The following EVI5 variants were observed in gnomAD, a reference collection of about 807,000 sequenced individuals.
The protein encoded by EVI5 is ecotropic viral integration site 5 protein homolog.
EVI5 carries 73 observed loss-of-function variants against 112.0 expected under a neutral mutation model. The observed-to-expected ratio is 0.65, with a 90% CI of 0.54 to 0.79. The LOEUF is 0.79. EVI5 is among the 30% of genes least tolerant of loss of function. The pLI, the probability that EVI5 is intolerant of heterozygous loss-of-function variation, is 0.00. For synonymous variants in EVI5, 305 were observed against 319.9 expected, an observed-to-expected ratio of 0.95 and a Z score of 0.50; for missense variants, 900 against 968.8, an observed-to-expected ratio of 0.93 and a Z score of 0.94.
chr1:92,554,304 C>A (rs1667381801), intron 19 of EVI5, among the ~76,000 whole-genome samples: 1 of 152,116 alleles, frequency 6.6e-6, no homozygotes, highest in Non-Finnish European at 1.5e-5. Context: ...TAATATGTCG[C>A]CATTAAATGG....
chr1:92,606,582 T>C (rs1650443761), intron 17 of EVI5, among the ~76,000 whole-genome samples: 1 of 152,200 alleles, frequency 6.6e-6, no homozygotes, highest in Non-Finnish European at 1.5e-5. Flanking sequence ...TCAGTATACA[T>C]TGTAACAGCC....
At chr1:92,554,985 A>AAAAGAAAG (rs781663027) in intron 19 of EVI5, among the ~76,000 whole-genome samples, 1 of 152,178 alleles carries the variant, frequency 6.6e-6, no homozygotes, top group South Asian at 2.1e-4. Flanking sequence ...GTCTCCAGAA[A>AAAAGAAAG]AAAGAAAGAA....
At chr1:92,780,583 C>A (rs1684731458) in intron 1 of EVI5, among the ~76,000 whole-genome samples, 1 of 152,032 alleles carries the variant, frequency 6.6e-6, no homozygotes, top group Non-Finnish European at 1.5e-5. Context: ...AGAAACAGAC[C>A]CACACTAATT....
intron 19 of EVI5, among the ~76,000 whole-genome samples, chr1:92,531,501 T>C (rs12069790): frequency 0.029 from 4,363 of 151,938 alleles, 180 homozygotes; most frequent in African/African-American, 0.087. Context: ...TTCACCAAGG[T>C]TGAAATGAAG....
intron 13 of EVI5, among the ~76,000 whole-genome samples, chr1:92,650,402 T>C (rs1243277463): frequency 1.3e-5 from 2 of 152,206 alleles, no homozygotes; most frequent in Admixed American, 6.5e-5. Flanking sequence ...AGTACAAGTC[T>C]TTACCTTCTT....
intron 13 of EVI5, among the ~76,000 whole-genome samples, chr1:92,646,625 C>A (rs1045703313): frequency 6.6e-6 from 1 of 152,168 alleles, no homozygotes; most frequent in African/African-American, 2.4e-5. Context: ...TTGTTTTGTT[C>A]TTTTTATAAA....
chr1:92,609,943 G>A (rs1431342225), intron 16 of EVI5, among the ~76,000 whole-genome samples: 2 of 151,656 alleles, frequency 1.3e-5, no homozygotes, highest in East Asian at 1.9e-4. Context: ...AGAGTGCAGA[G>A]GCACAATCAT....
chr1:92,643,239 CTTAAT>C (rs1224408779), intron 13 of EVI5, among the ~76,000 whole-genome samples: 3 of 148,810 alleles, frequency 2.0e-5, no homozygotes, highest in Admixed American at 1.3e-4. Flanking sequence ...TACTTATTTA[CTTAAT>C]TTATTTAGTG....
chr1:92,685,595 A>C (rs1668380332), intron 9 of EVI5, among the ~76,000 whole-genome samples: 1 of 152,244 alleles, frequency 6.6e-6, no homozygotes, highest in Admixed American at 6.5e-5. Flanking sequence ...ATCCCTTCAA[A>C]AAATCAATGA....
intron 13 of EVI5, among the ~76,000 whole-genome samples, chr1:92,659,159 C>CGT (rs1663540194): frequency 2.0e-5 from 3 of 151,980 alleles, no homozygotes; most frequent in Non-Finnish European, 4.4e-5. Flanking sequence ...TAGAAGAAAA[C>CGT]CTGGGAAGAA....
chr1:92,579,662 C>T (rs757341850), intron 18 of EVI5, among the ~76,000 whole-genome samples: 1 of 151,974 alleles, frequency 6.6e-6, no homozygotes, highest in Non-Finnish European at 1.5e-5. Context: ...TGGGAGTTCA[C>T]CTTTTGTATA....
chr1:92,547,021 C>T (rs538768439), intron 19 of EVI5, among the ~76,000 whole-genome samples: 1 of 152,324 alleles, frequency 6.6e-6, no homozygotes, highest in East Asian at 1.9e-4. Flanking sequence ...ACAGAACTCT[C>T]CACCCCAAAT....
chr1:92,701,352 C>G (rs1243436949), intron 5 of EVI5, among the ~76,000 whole-genome samples: 1 of 152,188 alleles, frequency 6.6e-6, no homozygotes, highest in Non-Finnish European at 1.5e-5. Context: ...ACCCTCACAA[C>G]TAATCTGAAA....
At chr1:92,535,965 A>G (rs959624074) in intron 19 of EVI5, among the ~76,000 whole-genome samples, 1 of 152,184 alleles carries the variant, frequency 6.6e-6, no homozygotes, top group East Asian at 1.9e-4. Flanking sequence ...TTAAATGCTG[A>G]AGGAGAACAT....
chr1:92,517,986 C>T (rs1249452849), intron 19 of EVI5, among the ~76,000 whole-genome samples: 2 of 151,050 alleles, frequency 1.3e-5, no homozygotes, highest in Non-Finnish European at 2.9e-5. Context: ...CAACCTCTGC[C>T]TCCTGGGCTT....
chr1:92,616,570 C>G (rs1377648530), intron 16 of EVI5, among the ~76,000 whole-genome samples: 1 of 152,164 alleles, frequency 6.6e-6, no homozygotes, highest in East Asian at 1.9e-4. Flanking sequence ...TTAATTTATA[C>G]AAGCAGAAAA....
intron 16 of EVI5, 56 bp downstream of exon 16, chr1:92,624,120 C>A: frequency 6.9e-7 from 1 of 1,449,856 alleles, no homozygotes; most frequent in Non-Finnish European, 9.7e-7. Context: ...AATCTGTGCA[C>A]AAACCCTTGA....
chr1:92,753,076 G>A (rs1455541670), intron 1 of EVI5, among the ~76,000 whole-genome samples: 3 of 150,072 alleles, frequency 2.0e-5, no homozygotes, highest in East Asian at 2.0e-4. Flanking sequence ...AGGAGGCAAC[G>A]TTTAAGATAA....
At chr1:92,621,399 C>T (rs1654551065) in intron 16 of EVI5, among the ~76,000 whole-genome samples, 1 of 152,218 alleles carries the variant, frequency 6.6e-6, no homozygotes, top group African/African-American at 2.4e-5. Context: ...GCAACCTCCA[C>T]CTACCGGGTT....
Sources: allele counts gnomAD v4.1 joint callset (sites outside exome capture counted in the v4.1 genomes callset), GRCh38; gene constraint gnomAD v4.1.1; transcripts MANE v1.5; gene names NCBI Gene and HGNC (gene_info 2026-07-23, HGNC 2026-07-21).